Variants in NAV2 observed in about 807,000 individuals in gnomAD.
The protein encoded by NAV2 is neuron navigator 2.
NAV2 carries 54 observed loss-of-function variants against 223.2 expected under a neutral mutation model. The observed-to-expected ratio is 0.24, with a 90% CI of 0.19 to 0.30. The LOEUF (loss-of-function observed/expected upper bound fraction) is 0.30. Among genes scored for constraint, NAV2 ranks in the 10% least tolerant of loss-of-function variants. The probability of loss-of-function intolerance (pLI) is 1.00; values close to 1 mark genes in which losing one functional copy is unlikely to be tolerated. For missense variants in NAV2, 2,806 were observed against 3,147.5 expected (o/e 0.89, Z 2.60); for synonymous variants, 1,279 against 1,239.3 (o/e 1.03, Z -0.67).
chr11:19,472,534 AG>A (rs1797574635), intron 1 of NAV2, among the ~76,000 whole-genome samples: 2 of 152,188 alleles, frequency 1.3e-5, no homozygotes, highest in African/African-American at 4.8e-5. Context: ...GGGCGGGTGT[AG>A]TAGCCTCACG....
intron 9 of NAV2, among the ~76,000 whole-genome samples, chr11:19,948,473 G>C (rs1481549567): frequency 6.6e-6 from 1 of 152,058 alleles, no homozygotes; most frequent in African/African-American, 2.4e-5. Flanking sequence ...GTTTTAGCAG[G>C]GAAAGTCTCC....
At chr11:19,750,395 T>C (rs1220912945) in intron 1 of NAV2, among the ~76,000 whole-genome samples, 2 of 152,244 alleles carry the variant, frequency 1.3e-5, no homozygotes, top group Non-Finnish European at 2.9e-5. Context: ...TCCCCAGGTA[T>C]TTTTCTGTCG....
At chr11:20,055,129 C>A (rs2058287154) in intron 18 of NAV2, among the ~76,000 whole-genome samples, 1 of 152,148 alleles carries the variant, frequency 6.6e-6, no homozygotes, top group African/African-American at 2.4e-5. Flanking sequence ...AATTCAGAGT[C>A]TTTAAGGATA....
intron 6 of NAV2, among the ~76,000 whole-genome samples, chr11:19,932,021 T>A (rs2045399176): frequency 6.6e-6 from 1 of 152,142 alleles, no homozygotes; most frequent in South Asian, 2.1e-4. Flanking sequence ...TTTCCATTTC[T>A]GTCACATTGG....
chr11:19,422,235 G>A (rs532916266), intron 1 of NAV2, among the ~76,000 whole-genome samples: 1 of 152,176 alleles, frequency 6.6e-6, no homozygotes, highest in Non-Finnish European at 1.5e-5. Flanking sequence ...AGTCTGGGGG[G>A]CGGGGAGCGG....
chr11:19,640,642 A>ATGTGG (rs1292047154), intron 1 of NAV2, among the ~76,000 whole-genome samples: 7 of 152,038 alleles, frequency 4.6e-5, no homozygotes, highest in Non-Finnish European at 1.0e-4. Flanking sequence ...AGGAAAAGAG[A>ATGTGG]TGTGGTTCTA....
chr11:19,397,424 CA>C (rs1849506049), intron 1 of NAV2, among the ~76,000 whole-genome samples: 1 of 33,162 alleles, frequency 3.0e-5, no homozygotes, highest in African/African-American at 8.5e-5. Flanking sequence ...TGTGTGCGCG[CA>C]TGTGTGTGTA....
chr11:19,934,325 TC>T, intron 7 of NAV2, 48 bp downstream of exon 7: 1 of 1,509,790 alleles, frequency 6.6e-7, no homozygotes, highest in Non-Finnish European at 8.9e-7. Flanking sequence ...GGGTAAAAGT[TC>T]CTTTATAGTG....
intron 1 of NAV2, among the ~76,000 whole-genome samples, chr11:19,450,831 C>T (rs900524081): frequency 6.6e-6 from 1 of 152,134 alleles, no homozygotes; most frequent in African/African-American, 2.4e-5. Context: ...CAGGGTTGTG[C>T]GTGTGACAGG....
At chr11:19,903,905 G>A (rs1180805962) in intron 6 of NAV2, among the ~76,000 whole-genome samples, 4 of 152,204 alleles carry the variant, frequency 2.6e-5, no homozygotes, top group African/African-American at 7.2e-5. Flanking sequence ...CAGTGTGGGT[G>A]TGATCAGGTT....
Position 19,778,257 on chromosome 11 carries a change from G to A in NAV2, c.268-54227G>A, listed in dbSNP as rs558447421. On this transcript the variant is annotated intron_variant, in intron 1 of 37. Transcript: ENST00000349880. ...TTTTTATCGGATAGTTTCAACTGGCGGGGACCATAATTCCCCCATTAAAGT... is the reference window on the plus strand; with the variant it reads ...TTTTTATCGGATAGTTTCAACTGGCAGGGACCATAATTCCCCCATTAAAGT... The A allele has an allele frequency of 6.9e-6, 3 of 435,582 alleles. No individual in the cohort carries two copies. The East Asian group carries it at 2.1e-4, about 31-fold the overall frequency. 27.0% of individuals were successfully genotyped at this position (435,582 alleles called of 1,614,324 possible).
intron 1 of NAV2, among the ~76,000 whole-genome samples, chr11:19,683,571 G>T (rs925447886): frequency 1.4e-4 from 21 of 152,268 alleles, no homozygotes; most frequent in African/African-American, 5.1e-4. Context: ...GTCAGGCAAG[G>T]CCTGGATGTT....
rs557080086 is a variant in NAV2, at chr11:19,668,981, T to A, written c.76-163503T>A. Among the ~76,000 whole-genome samples, 4 of 152,252 alleles carry A rather than the reference T, an allele frequency of 2.6e-5. 1 individual carries two copies. The South Asian group carries it at 8.3e-4, about 32-fold the overall frequency. Reference sequence around the variant, plus strand: ...GATTTTCATCTCTTGTCCATTCTCTTGGGATGCCAGCAAAATGAAGGACAA... The same window carrying A: ...GATTTTCATCTCTTGTCCATTCTCTAGGGATGCCAGCAAAATGAAGGACAA... On this transcript the variant is annotated intron_variant, in intron 1 of 37. Coordinates refer to the NAV2 transcript ENST00000360655.
At chr11:19,763,633 C>A (rs1276285796) in intron 1 of NAV2, among the ~76,000 whole-genome samples, 1 of 152,126 alleles carries the variant, frequency 6.6e-6, no homozygotes, top group Non-Finnish European at 1.5e-5. Flanking sequence ...TGGAAAAATA[C>A]CAATCCGTAC....
At chr11:19,592,746 A>G (rs11606301) in intron 1 of NAV2, among the ~76,000 whole-genome samples, 1 of 152,228 alleles carries the variant, frequency 6.6e-6, no homozygotes, top group African/African-American at 2.4e-5. Flanking sequence ...TGAAGTAACA[A>G]TGAAAATAAA....
chr11:20,033,832 G>T (rs2056053228), intron 11 of NAV2, among the ~76,000 whole-genome samples: 1 of 152,190 alleles, frequency 6.6e-6, no homozygotes, highest in African/African-American at 2.4e-5. Flanking sequence ...GTGTGTGTGT[G>T]GCAGACGTTC....
intron 1 of NAV2, among the ~76,000 whole-genome samples, chr11:19,423,907 T>G (rs551985409): frequency 6.6e-6 from 1 of 152,266 alleles, no homozygotes; most frequent in African/African-American, 2.4e-5. Flanking sequence ...AGCTGAGGCA[T>G]GAGCTGAGAA....
Position 20,080,081 on chromosome 11 carries a change from T to C in NAV2, c.5197T>C (p.Ser1733Pro). The C allele has an allele frequency of 6.2e-7, 1 of 1,613,914 alleles. No individual in the cohort carries two copies. Among genetic ancestry groups the C allele is most frequent in the Non-Finnish European group, 8.5e-7 (1 of 1,179,992 alleles). The change falls in exon 25 of 38, where the codon TCT becomes CCT. Residue 1733 changes from serine (S) to proline (P), a missense_variant. By Grantham distance (74) the Ser-to-Pro change is moderately conservative. Around this residue, in one of 4 missense-constraint regions of NAV2, gnomAD observed 824 missense variants for 1,069.4 expected, o/e 0.77. Transcript: ENST00000349880. ...GTCTCCAGGAAACGGCACTGCCCAG[T>C]CTGCAGACCTCCGCATCCGCAGGCA... ...LNCKGNGTAQ[S>P]ADLRIRRQHS...
intron 6 of NAV2, among the ~76,000 whole-genome samples, chr11:19,914,836 G>C (rs555465301): frequency 6.6e-6 from 1 of 152,236 alleles, no homozygotes; most frequent in African/African-American, 2.4e-5. Context: ...GAGCCACCGC[G>C]CCCGGCCTGT....
Sources: allele counts gnomAD v4.1 joint callset (sites outside exome capture counted in the v4.1 genomes callset), GRCh38; gene constraint gnomAD v4.1.1; regional missense constraint gnomAD v4.1.1; transcripts MANE v1.5; gene names NCBI Gene and HGNC (gene_info 2026-07-23, HGNC 2026-07-21).